The following PHF8 variants were observed in gnomAD, a reference collection of about 807,000 sequenced individuals.
The protein encoded by PHF8 is histone lysine demethylase PHF8.
Under a neutral mutation model 74.4 loss-of-function variants are expected in PHF8, and 9 were observed. The ratio of observed to expected loss-of-function variants is 0.12; its 90% CI spans 0.07 to 0.21. The LOEUF is 0.21. Among genes scored for constraint, PHF8 ranks in the 10% least tolerant of loss-of-function variants. The pLI is 1.00. For missense variants in PHF8, 478 were observed against 816.6 expected (o/e 0.59, Z 5.05); for synonymous variants, 311 against 316.6 (o/e 0.98, Z 0.19).
intron 2 of PHF8, 70 bp downstream of exon 2, chrX:54,042,561 A>G (rs1348990741): frequency 2.1e-6 from 2 of 937,044 alleles, no homozygotes; most frequent in Admixed American, 2.5e-5. Flanking sequence ...AACAGAGCTG[A>G]GAAAGGAAGA....
chrX:53,979,212 C>T (rs1431378784), intron 18 of PHF8, among the ~76,000 whole-genome samples: 1 of 111,075 alleles, frequency 9.0e-6, no homozygotes, highest in African/African-American at 3.3e-5. Context: ...GAAGTCCTGT[C>T]TCAACTAAAA....
At chrX:53,957,182 T>C (rs1314769900) in intron 19 of PHF8, among the ~76,000 whole-genome samples, 1 of 85,447 alleles carries the variant, frequency 1.2e-5, no homozygotes, top group Non-Finnish European at 2.2e-5. Flanking sequence ...CCGTCTCTAC[T>C]AAAAATACAA....
intron 18 of PHF8, among the ~76,000 whole-genome samples, chrX:53,977,669 C>CA (rs1293742857): frequency 9.5e-6 from 1 of 104,742 alleles, no homozygotes; most frequent in Non-Finnish European, 2.0e-5. Flanking sequence ...TTTTCTGAGA[C>CA]AGAGTCTCGC....
At chrX:54,043,403 C>T (rs1557116553) in intron 1 of PHF8, among the ~76,000 whole-genome samples, 1 of 110,890 alleles carries the variant, frequency 9.0e-6, no homozygotes, top group Non-Finnish European at 1.9e-5. Context: ...TTTAAATAAT[C>T]CTTTCCATCA....
At chrX:54,032,469 T>C (rs935025607) in intron 2 of PHF8, among the ~76,000 whole-genome samples, 1 of 110,134 alleles carries the variant, frequency 9.1e-6, no homozygotes, top group Admixed American at 9.7e-5. Context: ...CTTTATGTCC[T>C]CTACTTGAAA....
intron 18 of PHF8, among the ~76,000 whole-genome samples, chrX:53,976,022 TAAAA>T (rs1173488705): frequency 9.6e-6 from 1 of 103,886 alleles, no homozygotes; most frequent in African/African-American, 3.5e-5. Flanking sequence ...AATACCAAAA[TAAAA>T]AAAAAAGGCT....
intron 18 of PHF8, among the ~76,000 whole-genome samples, chrX:53,976,691 A>AC (rs1286111499): frequency 1.8e-5 from 2 of 110,164 alleles, no homozygotes; most frequent in Non-Finnish European, 3.8e-5. Context: ...TTAAGTTAAA[A>AC]AAAAAAAAAA....
chrX:53,985,661 G>T, intron 17 of PHF8, 155 bp downstream of exon 17: 2 of 964,095 alleles, frequency 2.1e-6, no homozygotes, highest in South Asian at 2.1e-5. Context: ...GTGGTTTCAT[G>T]CCTACTTTAT....
Position 53,940,219 on chromosome X carries a change from G to A in PHF8, c.2947C>T (p.Arg983Cys), listed in dbSNP as rs1271484888. ...TTGCTCTGGGAGCCAACTGAAGGGCGCCGCTGGGTCAAGAAGACACCGGGG... is the reference window on the plus strand; with the variant it reads ...TTGCTCTGGGAGCCAACTGAAGGGCACCGCTGGGTCAAGAAGACACCGGGG... ...MAPGVFLTQRRPSVGSQSNQA... is the reference protein window; with the variant it reads ...MAPGVFLTQRCPSVGSQSNQA... Residue 983 changes from arginine (R) to cysteine (C), a missense_variant, in exon 21 of 22, where the codon CGC becomes TGC. Coordinates refer to ENST00000338154, the MANE Select transcript of PHF8 (RefSeq NM_015107.3). The A allele has an allele frequency of 3.4e-6, 4 of 1,187,289 alleles. No homozygotes were observed. The highest frequency in any genetic ancestry group is 3.1e-5 in the East Asian group (1 of 32,543).
At chrX:54,020,593 A>G (rs1273997769) in intron 4 of PHF8, among the ~76,000 whole-genome samples, 3 of 112,192 alleles carry the variant, frequency 2.7e-5, no homozygotes, top group African/African-American at 9.7e-5. Flanking sequence ...CTATGTTTGT[A>G]TATGCAAAAA....
intron 18 of PHF8, among the ~76,000 whole-genome samples, chrX:53,967,172 C>T (rs868993146): frequency 4.0e-4 from 32 of 79,709 alleles, no homozygotes; most frequent in African/African-American, 1.2e-3. Context: ...GCCAGCCGCC[C>T]CGTCCGGGAG....
upstream of PHF8, among the ~76,000 whole-genome samples, chrX:54,047,317 G>A (rs782086854): frequency 8.9e-6 from 1 of 112,483 alleles, no homozygotes; most frequent in East Asian, 2.8e-4. Flanking sequence ...CATAGATGAC[G>A]GTGCCACTGA....
intron 2 of PHF8, among the ~76,000 whole-genome samples, chrX:54,034,386 GA>G (rs1419953636): frequency 4.5e-5 from 5 of 111,960 alleles, no homozygotes; most frequent in African/African-American, 1.6e-4. Flanking sequence ...GGAAGTAGCA[GA>G]ACAGTTTTCA....
chrX:53,954,566 G>C (rs912378438), intron 19 of PHF8, among the ~76,000 whole-genome samples: 3 of 96,279 alleles, frequency 3.1e-5, no homozygotes, highest in Non-Finnish European at 6.2e-5. Context: ...GTCGTAACAC[G>C]TAAGATTTTG....
intron 19 of PHF8, among the ~76,000 whole-genome samples, chrX:53,959,478 C>T (rs1342104557): frequency 9.0e-6 from 1 of 110,810 alleles, no homozygotes; most frequent in African/African-American, 3.3e-5. Context: ...CTTCAAAATT[C>T]AGCTTTAGAT....
intron 19 of PHF8, among the ~76,000 whole-genome samples, chrX:53,945,111 C>T (rs903219327): frequency 4.0e-4 from 44 of 109,864 alleles, no homozygotes; most frequent in Non-Finnish European, 6.1e-4. Flanking sequence ...TTTGGGAGGC[C>T]GAGGCGGGTG....
intron 16 of PHF8, among the ~76,000 whole-genome samples, chrX:53,986,263 G>C (rs2065563716): frequency 8.9e-6 from 1 of 112,374 alleles, no homozygotes; most frequent in Admixed American, 9.3e-5. Context: ...TTTGTTTTCA[G>C]ACAGAGCCTC....
At chrX:53,997,910 C>T (rs900247010) in intron 11 of PHF8, among the ~76,000 whole-genome samples, 3 of 111,451 alleles carry the variant, frequency 2.7e-5, no homozygotes, top group African/African-American at 9.8e-5. Context: ...CAAGAATATC[C>T]GAGGGGAAGG....
chrX:53,977,796 G>A (rs1165784368), intron 18 of PHF8, among the ~76,000 whole-genome samples: 62 of 108,115 alleles, frequency 5.7e-4, no homozygotes, highest in South Asian at 4.1e-4. Flanking sequence ...ACAGGCGCCC[G>A]ACACCACGCC....
Sources: gnomAD v4.1 joint callset for allele counts (sites outside exome capture counted in the v4.1 genomes callset) on GRCh38, gnomAD v4.1.1 for gene constraint, MANE v1.5 for transcripts, NCBI Gene and HGNC (gene_info 2026-07-23, HGNC 2026-07-21) for gene names.